PHACTR1: variants seen among roughly 807,000 people sequenced by gnomAD.
PHACTR1 encodes phosphatase and actin regulator 1, also known as RPEL repeat containing 1.
A neutral mutation model predicts 69.2 loss-of-function variants in PHACTR1; 16 were observed. That is an observed-to-expected ratio of 0.23 (90% CI 0.16 to 0.35). The LOEUF is 0.35. Ranked by LOEUF, PHACTR1 falls within the 10% of genes least tolerant of loss-of-function variation. The probability of loss-of-function intolerance (pLI) is 1.00; values close to 1 mark genes in which losing one functional copy is unlikely to be tolerated. For synonymous variants in PHACTR1, 312 were observed against 284.5 expected (o/e 1.10, Z -0.97); for missense variants, 510 against 734.7 (o/e 0.69, Z 3.54).
At chr6:13,239,293 T>C (rs1415021920) in intron 10 of PHACTR1, among the ~76,000 whole-genome samples, 1 of 152,226 alleles carries the variant, frequency 6.6e-6, no homozygotes, top group Non-Finnish European at 1.5e-5. Flanking sequence ...ATGTATTTAT[T>C]GAGTTCTACA....
At chr6:13,200,490 C>T (rs1173376634) in intron 7 of PHACTR1, among the ~76,000 whole-genome samples, 1 of 152,136 alleles carries the variant, frequency 6.6e-6, no homozygotes, top group East Asian at 1.9e-4. Flanking sequence ...GATTCTGGTT[C>T]AGCAGGTCCA....
chr6:13,218,436 A>C (rs2127266313), intron 8 of PHACTR1, among the ~76,000 whole-genome samples: 1 of 152,332 alleles, frequency 6.6e-6, no homozygotes, highest in Middle Eastern at 3.4e-3. Context: ...TCCTGTATGA[A>C]AGACTGAAAG....
At chr6:13,043,301 C>T (rs1237429532) in intron 4 of PHACTR1, among the ~76,000 whole-genome samples, 1 of 152,152 alleles carries the variant, frequency 6.6e-6, no homozygotes, top group Admixed American at 6.5e-5. Context: ...GTGGTGTGCA[C>T]CTGTAATCCC....
chr6:12,799,435 T>C (rs970371231), intron 4 of PHACTR1, among the ~76,000 whole-genome samples: 4 of 152,304 alleles, frequency 2.6e-5, no homozygotes, highest in African/African-American at 9.6e-5. Context: ...TTCAAATTAC[T>C]TTTCTTCATG....
chr6:13,283,664 CA>C lies in PHACTR1; in HGVS notation c.1650+103del, dbSNP rs1244685757. The C allele has an allele frequency of 1.9e-6, 3 of 1,559,114 alleles. No individual in the cohort carries two copies. The highest frequency in any genetic ancestry group is 1.7e-5 in the Admixed American group (1 of 59,356). On this transcript the variant is annotated intron_variant, in intron 13 of 14. Transcript: ENST00000332995. The surrounding 1 kb of genome is among the most constrained non-coding windows in gnomAD (Gnocchi z 4.7). Reference sequence around the variant, plus strand: ...TGTAGGGAGACCTGCAGCCAGGCCTCAGCCGCAGTCCCCATAATGGAGTGTT... The same window carrying C: ...TGTAGGGAGACCTGCAGCCAGGCCTCGCCGCAGTCCCCATAATGGAGTGTT...
intron 4 of PHACTR1, among the ~76,000 whole-genome samples, chr6:12,774,377 G>A (rs941683065): frequency 2.7e-5 from 4 of 150,208 alleles, no homozygotes; most frequent in Non-Finnish European, 4.4e-5. Flanking sequence ...AACATATTTG[G>A]CTTTTGTTGT....
chr6:12,850,917 C>A (rs1360201394), intron 4 of PHACTR1, among the ~76,000 whole-genome samples: 1 of 152,172 alleles, frequency 6.6e-6, no homozygotes, highest in Non-Finnish European at 1.5e-5. Context: ...TCCCAAGACC[C>A]TGTTTCCAAA....
intron 4 of PHACTR1, chr6:12,933,646 T>G (rs1271343354): frequency 6.2e-7 from 1 of 1,612,724 alleles, no homozygotes; most frequent in South Asian, 1.1e-5. Flanking sequence ...TTTCCCTTTT[T>G]GGGGATATGG....
At chr6:13,041,339 T>TAC (rs368368056) in intron 4 of PHACTR1, among the ~76,000 whole-genome samples, 20,379 of 135,276 alleles carry the variant, frequency 0.15, 1,719 homozygotes, top group South Asian at 0.23. Flanking sequence ...TTAAAATACA[T>TAC]ACACACACAC....
chr6:13,117,726 G>C (rs760329293), intron 5 of PHACTR1, among the ~76,000 whole-genome samples: 3 of 152,104 alleles, frequency 2.0e-5, no homozygotes, highest in Non-Finnish European at 4.4e-5. Context: ...ATTTTAGCCT[G>C]CACAGATCAC....
rs9296471 is a variant in PHACTR1, at chr6:12,799,803, T to C, written c.250+50013T>C. Among the ~76,000 whole-genome samples, 1,074 of 152,340 alleles carry C rather than the reference T, an allele frequency of 7.1e-3. 17 individuals are homozygous for C. The highest frequency in any genetic ancestry group is 0.024 in the African/African-American group (985 of 41,580). On this transcript the variant is annotated intron_variant, in intron 4 of 14. Transcript: ENST00000332995. Reference sequence around the variant, plus strand: ...AGGTGGATTCTTATAGAATTTTTTCTAGGCAAACTGTTACAGATATATTCA... The same window carrying C: ...AGGTGGATTCTTATAGAATTTTTTCCAGGCAAACTGTTACAGATATATTCA...
At chr6:13,184,058 A>G (rs1313593415) in intron 7 of PHACTR1, among the ~76,000 whole-genome samples, 1 of 152,198 alleles carries the variant, frequency 6.6e-6, no homozygotes, top group Non-Finnish European at 1.5e-5. Flanking sequence ...GAAGATGAAA[A>G]GGTTGATTTA....
In PHACTR1 at chr6:12,888,255, T is replaced by A. The variant is rs183867288; in HGVS notation, c.250+138465T>A. ...GTTCATTCATCCCCTTTTGCCCTTTTGCTCCTTCTACGACATGAGCATGCC... is the reference window on the plus strand; with the variant it reads ...GTTCATTCATCCCCTTTTGCCCTTTAGCTCCTTCTACGACATGAGCATGCC... On this transcript the variant is annotated intron_variant, in intron 4 of 14. Coordinates refer to ENST00000332995, the MANE Select transcript of PHACTR1 (RefSeq NM_030948.6). Among the ~76,000 whole-genome samples the A allele has an allele frequency of 2.5e-4, 38 of 152,210 alleles. No individual in the cohort carries two copies. In the East Asian group the frequency reaches 7.3e-3, roughly 29 times the overall value.
At chr6:13,264,149 A>G (rs574162814) in intron 10 of PHACTR1, among the ~76,000 whole-genome samples, 11 of 152,222 alleles carry the variant, frequency 7.2e-5, no homozygotes, top group Admixed American at 3.9e-4. Context: ...AAAGCTATCA[A>G]TTGGGAACTC....
intron 5 of PHACTR1, among the ~76,000 whole-genome samples, chr6:13,093,127 C>CA (rs1813554261): frequency 6.6e-6 from 1 of 152,072 alleles, no homozygotes; most frequent in South Asian, 2.1e-4. Context: ...TGATCTTGGG[C>CA]AATATGTATC....
At chr6:13,227,161 C>T (rs1769899629) in intron 8 of PHACTR1, among the ~76,000 whole-genome samples, 1 of 152,182 alleles carries the variant, frequency 6.6e-6, no homozygotes, top group Admixed American at 6.5e-5. Context: ...CTGGCATTAC[C>T]TGTGGCTCCC....
intron 4 of PHACTR1, among the ~76,000 whole-genome samples, chr6:12,896,167 T>C (rs1326016780): frequency 1.3e-5 from 2 of 152,222 alleles, no homozygotes; most frequent in East Asian, 3.8e-4. Context: ...TTTATGTACG[T>C]CAGGCATAGC....
In PHACTR1 at chr6:13,131,032, C is replaced by T. The variant is rs1354475512; in HGVS notation, c.416-29172C>T. ...ACAAGTGAATAAATGTGATACAGCACATCAACAGAATTAAAAACAAAAATC... is the reference window on the plus strand; with the variant it reads ...ACAAGTGAATAAATGTGATACAGCATATCAACAGAATTAAAAACAAAAATC... On this transcript the variant is annotated intron_variant, in intron 5 of 14. Transcript: ENST00000332995. Among the ~76,000 whole-genome samples, 5 of 152,098 alleles carry T rather than the reference C, an allele frequency of 3.3e-5. No individual in the cohort carries two copies. In the South Asian group the frequency reaches 1.0e-3, roughly 32 times the overall value.
chr6:12,944,052 T>C (rs1167837432), intron 4 of PHACTR1, among the ~76,000 whole-genome samples: 1 of 152,260 alleles, frequency 6.6e-6, no homozygotes, highest in African/African-American at 2.4e-5. Flanking sequence ...AATTGCAGTG[T>C]TCTTACTACA....
Sources: allele counts gnomAD v4.1 joint callset (sites outside exome capture counted in the v4.1 genomes callset), GRCh38; gene constraint gnomAD v4.1.1; non-coding constraint Gnocchi (gnomAD v3.1); transcripts MANE v1.5; gene names NCBI Gene and HGNC (gene_info 2026-07-23, HGNC 2026-07-21).